The following BMPR1B variants were observed in gnomAD, a reference collection of about 807,000 sequenced individuals.
BMPR1B encodes the protein bone morphogenetic protein receptor type 1B.
Under a neutral mutation model 59.1 loss-of-function variants are expected in BMPR1B, and 12 were observed. That is an observed-to-expected ratio of 0.20 (90% CI 0.13 to 0.33). BMPR1B has a LOEUF of 0.33. Among genes scored for constraint, BMPR1B ranks in the 10% least tolerant of loss-of-function variants. BMPR1B has a pLI of 1.00. For synonymous variants in BMPR1B, 237 were observed against 207.3 expected (o/e 1.14, Z -1.23); for missense variants, 550 against 610.9 (o/e 0.90, Z 1.05).
At chr4:94,911,799 T>A (rs1728283491) in intron 2 of BMPR1B, among the ~76,000 whole-genome samples, 1 of 152,124 alleles carries the variant, frequency 6.6e-6, no homozygotes, top group South Asian at 2.1e-4. Context: ...CCCATGGCAA[T>A]AACTCTTGAT....
intron 1 of BMPR1B, among the ~76,000 whole-genome samples, chr4:94,771,992 T>G (rs1015429811): frequency 2.6e-5 from 4 of 152,208 alleles, no homozygotes. Flanking sequence ...AAGTATGTGC[T>G]AAAAACCACA....
chr4:94,969,075 G>A (rs13143626), intron 2 of BMPR1B, among the ~76,000 whole-genome samples: 73,385 of 151,192 alleles, frequency 0.49, 18,159 homozygotes, highest in South Asian at 0.6. Flanking sequence ...TTGCTTTGTC[G>A]CCAGGCTGGA....
At chr4:95,098,353 T>G (rs1179809369) in intron 3 of BMPR1B, among the ~76,000 whole-genome samples, 1 of 152,216 alleles carries the variant, frequency 6.6e-6, no homozygotes, top group Admixed American at 6.5e-5. Context: ...CTGTCTTGTT[T>G]ATGATCCAGA....
At chr4:94,847,783 G>A (rs908133116) in intron 1 of BMPR1B, among the ~76,000 whole-genome samples, 10 of 152,070 alleles carry the variant, frequency 6.6e-5, no homozygotes, top group African/African-American at 2.2e-4. Flanking sequence ...TTTCATAGTG[G>A]CTGACAAGGG....
At chr4:94,864,441 C>T (rs969857340) in intron 1 of BMPR1B, among the ~76,000 whole-genome samples, 2 of 152,002 alleles carry the variant, frequency 1.3e-5, no homozygotes, top group African/African-American at 4.8e-5. Flanking sequence ...AGGTGTAGAA[C>T]AAGGAAGGAT....
At chr4:95,073,168 G>A (rs1044950278) in intron 3 of BMPR1B, among the ~76,000 whole-genome samples, 1 of 152,154 alleles carries the variant, frequency 6.6e-6, no homozygotes, top group African/African-American at 2.4e-5. Context: ...TTCTTTTTCA[G>A]CAGTGAATTA....
intron 1 of BMPR1B, among the ~76,000 whole-genome samples, chr4:94,796,963 C>T (rs1354336708): frequency 6.6e-6 from 1 of 152,068 alleles, no homozygotes; most frequent in Non-Finnish European, 1.5e-5. Context: ...ACTCAGAATT[C>T]AAGAGATACA....
intron 2 of BMPR1B, among the ~76,000 whole-genome samples, chr4:94,904,064 TATG>T (rs1727936033): frequency 6.6e-6 from 1 of 152,042 alleles, no homozygotes; most frequent in Non-Finnish European, 1.5e-5. Context: ...CTTTATATCT[TATG>T]ATGATATGGA....
intron 1 of BMPR1B, among the ~76,000 whole-genome samples, chr4:94,805,517 G>A (rs1373850169): frequency 6.6e-6 from 1 of 152,126 alleles, no homozygotes; most frequent in Non-Finnish European, 1.5e-5. Context: ...CTGCAGCTTT[G>A]TTTCAGAAGA....
intron 3 of BMPR1B, among the ~76,000 whole-genome samples, chr4:95,081,418 T>C (rs531568180): frequency 2.6e-5 from 4 of 152,332 alleles, no homozygotes; most frequent in South Asian, 2.1e-4. Context: ...ATGAATGAAT[T>C]GAGCTTGCCA....
intron 2 of BMPR1B, among the ~76,000 whole-genome samples, chr4:94,917,335 G>A (rs757407809): frequency 5.9e-5 from 9 of 152,184 alleles, no homozygotes; most frequent in Non-Finnish European, 1.2e-4. Flanking sequence ...CCCTGTGCCT[G>A]GAAAAGCCAG....
At chr4:94,882,951 T>C (rs749534568) in intron 2 of BMPR1B, among the ~76,000 whole-genome samples, 1 of 150,240 alleles carries the variant, frequency 6.7e-6, no homozygotes, top group Non-Finnish European at 1.5e-5. Context: ...GACCTTTTCT[T>C]TCCTGTGTGT....
chr4:94,790,075 C>T (rs1033345907), intron 1 of BMPR1B, among the ~76,000 whole-genome samples: 5 of 152,178 alleles, frequency 3.3e-5, no homozygotes, highest in South Asian at 4.2e-4. Context: ...TTTAAGAACA[C>T]GGTATGTAAT....
chr4:94,794,621 T>G (rs2110609379), intron 1 of BMPR1B, among the ~76,000 whole-genome samples: 1 of 148,506 alleles, frequency 6.7e-6, no homozygotes, highest in East Asian at 2.0e-4. Context: ...GTATGGCCAC[T>G]TTCACGATAT....
chr4:94,761,322 G>T (rs1721755451), intron 1 of BMPR1B, among the ~76,000 whole-genome samples: 1 of 151,974 alleles, frequency 6.6e-6, no homozygotes, highest in East Asian at 1.9e-4. Flanking sequence ...GGTAGGCATT[G>T]TTCTGGGTGA....
intron 1 of BMPR1B, among the ~76,000 whole-genome samples, chr4:94,835,971 C>A (rs1336829516): frequency 7.0e-6 from 1 of 142,906 alleles, no homozygotes; most frequent in Non-Finnish European, 1.5e-5. Flanking sequence ...CATGTGATCT[C>A]ATTGTTCAAT....
At chr4:94,905,809 T>A (rs1163599139) in intron 2 of BMPR1B, among the ~76,000 whole-genome samples, 1 of 152,070 alleles carries the variant, frequency 6.6e-6, no homozygotes, top group Admixed American at 6.6e-5. Flanking sequence ...CTCTCTGATT[T>A]TCTTTGCATT....
chr4:94,776,615 C>G (rs548423490), intron 1 of BMPR1B, among the ~76,000 whole-genome samples: 1 of 152,262 alleles, frequency 6.6e-6, no homozygotes, highest in East Asian at 1.9e-4. Context: ...ATATTTCAAG[C>G]AGAATTATTT....
chr4:95,095,173 C>A (rs886217627), intron 3 of BMPR1B, among the ~76,000 whole-genome samples: 2 of 151,786 alleles, frequency 1.3e-5, no homozygotes, highest in Non-Finnish European at 2.9e-5. Flanking sequence ...AAAATTTAGA[C>A]AGTGAATTGA....
Sources: gnomAD v4.1 joint callset for allele counts (sites outside exome capture counted in the v4.1 genomes callset) on GRCh38, gnomAD v4.1.1 for gene constraint, MANE v1.5 for transcripts, NCBI Gene and HGNC (gene_info 2026-07-23, HGNC 2026-07-21) for gene names.